Variants in CERS4 observed in about 807,000 individuals in gnomAD.
CERS4 encodes LAG1 homolog, ceramide synthase 4.
CERS4 carries 65 observed loss-of-function variants against 51.8 expected under a neutral mutation model. The ratio of observed to expected loss-of-function variants is 1.26; its 90% CI spans 1.03 to 1.54. The LOEUF (loss-of-function observed/expected upper bound fraction) is 1.54, where lower values mean the gene tolerates loss of function less well. Among genes scored for constraint, CERS4 ranks in the 40% most tolerant of loss-of-function variants. The probability of loss-of-function intolerance (pLI) is 0.00; values close to 1 mark genes in which losing one functional copy is unlikely to be tolerated. For missense variants in CERS4, 563 were observed against 500.4 expected, an observed-to-expected ratio of 1.13 and a Z score of -1.19; for synonymous variants, 228 against 208.4, an observed-to-expected ratio of 1.09 and a Z score of -0.81.
intron 10 of CERS4, among the ~76,000 whole-genome samples, chr19:8,258,230 A>G (rs914190167): frequency 2.0e-5 from 3 of 152,208 alleles, no homozygotes; most frequent in Non-Finnish European, 2.9e-5. Flanking sequence ...CAGGGCTGCC[A>G]GCGCACCAAA....
At chr19:8,215,537 G>C (rs972919756) in intron 2 of CERS4, among the ~76,000 whole-genome samples, 1 of 151,386 alleles carries the variant, frequency 6.6e-6, no homozygotes, top group Non-Finnish European at 1.5e-5. Flanking sequence ...CCAGCCTCTA[G>C]CCTGCAGTCG....
rs550489981 is a variant in CERS4, at chr19:8,251,476, C to T, written c.173+227C>T. On this transcript the variant is annotated intron_variant, in intron 3 of 11. Coordinates refer to ENST00000251363, the MANE Select transcript of CERS4 (RefSeq NM_024552.3). ...GCAGCTGGTTTATAGGAACACTGCA[C>T]TGCCTGCAGCCTGCAGCTGGGTATG... Among the ~76,000 whole-genome samples, 7 of 152,336 alleles carry T rather than the reference C, an allele frequency of 4.6e-5. No individual in the cohort carries two copies. In the South Asian group the frequency reaches 1.5e-3, roughly 32 times the overall value.
intron 2 of CERS4, chr19:8,238,705 G>T: frequency 1.7e-6 from 1 of 574,020 alleles, no homozygotes; most frequent in Non-Finnish European, 2.2e-6. Flanking sequence ...CCAGGGAATG[G>T]TTCCAAGAAG....
intron 3 of CERS4, among the ~76,000 whole-genome samples, chr19:8,253,338 G>A (rs1163242819): frequency 6.6e-6 from 1 of 152,178 alleles, no homozygotes; most frequent in Non-Finnish European, 1.5e-5. Context: ...AGGCCACAGT[G>A]AGACAGGCAG....
intron 2 of CERS4, among the ~76,000 whole-genome samples, chr19:8,225,571 C>T (rs1967753318): frequency 6.6e-6 from 1 of 151,592 alleles, no homozygotes. Flanking sequence ...TTACAGGTGC[C>T]CGCCACCAAG....
chr19:8,262,206 C>T lies in CERS4; in HGVS notation c.*97C>T, dbSNP rs962133111. ...CGCCCCTGGGCCACCTTTCTGGAGA[C>T]AGGGAGGGCCCCACCCGGGGTGGGT... is the stretch of plus-strand genomic sequence containing the variant. On this transcript the variant is annotated 3_prime_UTR_variant, in exon 12 of 12. Coordinates refer to ENST00000251363, the MANE Select transcript of CERS4 (RefSeq NM_024552.3). 3 of 1,306,652 alleles carry T rather than the reference C, an allele frequency of 2.3e-6. No homozygotes were observed. In the East Asian group the frequency reaches 8.3e-5, roughly 36 times the overall value. The allele number at this position is 1,306,652 out of a possible 1,614,324, so 80.9% of individuals were successfully genotyped here.
intron 5 of CERS4, 26 bp downstream of exon 5, chr19:8,255,751 G>A (rs752451942): frequency 2.5e-6 from 4 of 1,604,540 alleles, no homozygotes; most frequent in South Asian, 1.1e-5. Flanking sequence ...GGCTTCTGGG[G>A]TGCAGGGAAG....
At chr19:8,261,422 G>T in intron 10 of CERS4, 1 of 484,556 alleles carries the variant, frequency 2.1e-6, no homozygotes, top group South Asian at 2.8e-5. Flanking sequence ...CAGGAAAGCA[G>T]CTGAGTTCAT....
At chr19:8,259,891 G>C (rs1197920594) in intron 10 of CERS4, among the ~76,000 whole-genome samples, 1 of 152,138 alleles carries the variant, frequency 6.6e-6, no homozygotes, top group East Asian at 1.9e-4. Context: ...TTTGCAGGTC[G>C]AGAGAGGAAG....
intron 5 of CERS4, 37 bp from the exon 6 acceptor site, chr19:8,255,785 G>T (rs8111235): frequency 0.015 from 22,041 of 1,514,644 alleles, 1,137 homozygotes; most frequent in African/African-American, 0.14. Flanking sequence ...GGCGGGGCGG[G>T]TGTCTGCTAT....
At chr19:8,235,015 T>C (rs1968180445) in intron 2 of CERS4, among the ~76,000 whole-genome samples, 2 of 148,654 alleles carry the variant, frequency 1.3e-5, no homozygotes, top group African/African-American at 5.0e-5. Context: ...TTCTTTCTTT[T>C]TTTTTTTTTT....
At position 8,245,122 on chromosome 19, in the gene CERS4, A is replaced by AAAAAACAAAAAAAAACAAAAAAAAAC. The variant is rs1968713228; in HGVS notation, c.-1-5949_-1-5948insCAAAAAAAAACAAAAAAAAACAAAAA. On this transcript the variant is annotated intron_variant, in intron 2 of 11. Coordinates refer to ENST00000251363, the MANE Select transcript of CERS4 (RefSeq NM_024552.3). ...GCGAGACTCCATCTCAAAAAAAAAA[A>AAAAAACAAAAAAAAACAAAAAAAAAC]AAAAAAAAAAAAACACTCTTGGCTT... Among the ~76,000 whole-genome samples, 44 of 129,274 alleles carry AAAAAACAAAAAAAAACAAAAAAAAAC rather than the reference A, an allele frequency of 3.4e-4. 1 individual carries two copies. The highest frequency in any genetic ancestry group is 7.2e-4 in the South Asian group (3 of 4,164). 84.8% of individuals were successfully genotyped at this position (129,274 alleles called of 152,430 possible). A position where few individuals can be genotyped will look rare whatever the true frequency, so the allele number is the denominator to read the frequency against.
At position 8,256,938 on chromosome 19, in the gene CERS4, G is replaced by A. The variant is rs757718302; in HGVS notation, c.613-11G>A. 9.3e-6 allele frequency: 15 copies of A among 1,613,962 alleles called. No homozygotes were observed. The highest frequency in any genetic ancestry group is 1.3e-5 in the African/African-American group (1 of 74,922). ...AGCCTCGTCCCCACTATGACCCACC[G>A]TCTACTGCAGGATTTCAAGGAGCAG... On this transcript the variant is annotated splice_polypyrimidine_tract_variant and intron_variant, in intron 8 of 11. Transcript: ENST00000251363.
chr19:8,229,636 T>C (rs1262549879), intron 2 of CERS4, among the ~76,000 whole-genome samples: 1 of 152,162 alleles, frequency 6.6e-6, no homozygotes, highest in Non-Finnish European at 1.5e-5. Context: ...CTCGAAATCC[T>C]GACCTTAGGT....
intron 2 of CERS4, among the ~76,000 whole-genome samples, chr19:8,234,713 C>G (rs1207900519): frequency 8.5e-6 from 1 of 117,432 alleles, no homozygotes; most frequent in Non-Finnish European, 1.9e-5. Flanking sequence ...ATCACTATGC[C>G]CAGCTAATTT....
chr19:8,231,873 T>TTTTTTTTTTTTTTTTG (rs61532670), intron 2 of CERS4, among the ~76,000 whole-genome samples: 1 of 119,552 alleles, frequency 8.4e-6, no homozygotes, highest in African/African-American at 3.2e-5. Flanking sequence ...TTTTTTTTTT[T>TTTTTTTTTTTTTTTTG]AGAGACAGTC....
At chr19:8,261,262 T>TG (rs1352090705) in intron 10 of CERS4, 1 of 174,148 alleles carries the variant, frequency 5.7e-6, no homozygotes, top group African/African-American at 2.4e-5. Context: ...GATGGAGCCC[T>TG]GCTCCCTGTG....
Position 8,256,234 on chromosome 19 carries a change from A to G in CERS4, c.469-2A>G, listed in dbSNP as rs545299593. On this transcript the variant is annotated splice_acceptor_variant, in intron 6 of 11. Coordinates refer to ENST00000251363, the MANE Select transcript of CERS4 (RefSeq NM_024552.3). LOFTEE classifies it high-confidence loss of function. ...CACAGCCTGACACCCATTTCCCTGC[A>G]GGAGTCATGGCTGTGGGCACCAGTA... is the stretch of plus-strand genomic sequence containing the variant. 1 of 1,612,086 alleles carries G rather than the reference A, an allele frequency of 6.2e-7. No homozygotes were observed. The highest frequency in any genetic ancestry group is 1.1e-5 in the South Asian group (1 of 90,502).
chr19:8,213,462 C>T (rs919622311), intron 2 of CERS4, among the ~76,000 whole-genome samples: 14 of 152,062 alleles, frequency 9.2e-5, no homozygotes, highest in African/African-American at 2.9e-4. Flanking sequence ...CCAGGCCTAG[C>T]TAATCCTTAA....
Sources: allele counts gnomAD v4.1 joint callset (sites outside exome capture counted in the v4.1 genomes callset), GRCh38; gene constraint gnomAD v4.1.1; transcripts MANE v1.5; gene names NCBI Gene and HGNC (gene_info 2026-07-23, HGNC 2026-07-21).